ST3GAL1: variants seen among roughly 807,000 people sequenced by gnomAD.
ST3GAL1 encodes ST3 beta-galactoside alpha-2,3-sialyltransferase 1.
In ST3GAL1, 16 loss-of-function variants were observed where a neutral mutation model predicts 34.1. The observed-to-expected ratio is 0.47, with a 90% CI of 0.32 to 0.71. The LOEUF (loss-of-function observed/expected upper bound fraction) is 0.71, where lower values mean the gene tolerates loss of function less well. Ranked by LOEUF, ST3GAL1 falls within the 30% of genes least tolerant of loss-of-function variation. The pLI, the probability that ST3GAL1 is intolerant of heterozygous loss-of-function variation, is 0.04. For synonymous variants in ST3GAL1, 191 were observed against 184.7 expected, an observed-to-expected ratio of 1.03 and a Z score of -0.28; for missense variants, 353 against 447.4, an observed-to-expected ratio of 0.79 and a Z score of 1.90.
At chr8:133,536,489 T>C (rs1462559035) in intron 2 of ST3GAL1, among the ~76,000 whole-genome samples, 1 of 152,200 alleles carries the variant, frequency 6.6e-6, no homozygotes, top group Non-Finnish European at 1.5e-5. Context: ...CCTCTCTTCT[T>C]GGGACATTGG....
chr8:133,475,573 A>T, intron 5 of ST3GAL1, 146 bp downstream of exon 5: 1 of 979,282 alleles, frequency 1.0e-6, no homozygotes, highest in Non-Finnish European at 1.5e-6. Context: ...CCTCACTCTC[A>T]TTACCAGACC....
At position 133,469,771 on chromosome 8, in the gene ST3GAL1, G is replaced by A. The variant is rs924139804; in HGVS notation, c.307-3681C>T. ...TGAAGCCCCAGCACTGCAGAGACAGGTGGGAAGGAGGGACGGCAGAAATGA... is the reference window on the plus strand; with the variant it reads ...TGAAGCCCCAGCACTGCAGAGACAGATGGGAAGGAGGGACGGCAGAAATGA... On this transcript the variant is annotated intron_variant, in intron 5 of 9. Transcript: ENST00000522652. This position sits in a 1 kb window ranked among gnomAD's most constrained non-coding sequence, Gnocchi z 4.3. Among the ~76,000 whole-genome samples, 3 of 152,258 alleles carry A rather than the reference G, an allele frequency of 2.0e-5. No homozygotes were observed. Among genetic ancestry groups the A allele is most frequent in the African/African-American group, 7.2e-5 (3 of 41,474 alleles).
In ST3GAL1 at chr8:133,562,841, C is replaced by CTTTTTCTTT. The variant is rs1554621250; in HGVS notation, c.-582+8851_-582+8852insAAAGAAAAA. Among the ~76,000 whole-genome samples the CTTTTTCTTT allele has an allele frequency of 7.9e-3, 651 of 82,514 alleles. 12 individuals carry two copies. The highest frequency in any genetic ancestry group is 0.027 in the African/African-American group (609 of 22,480). The allele number at this position is 82,514 out of a possible 152,430, so 54.1% of individuals were successfully genotyped here. The stretch of plus-strand genomic sequence containing the variant: ...TCCTTCCTTCCTTCCTTCCTTCCTT[C>CTTTTTCTTT]CTTTCTTTCTTTTTTTTTTTTTTTT... On this transcript the variant is annotated intron_variant, in intron 1 of 9. Transcript: ENST00000522652.
At position 133,462,269 on chromosome 8, in the gene ST3GAL1, G is replaced by C. The variant is rs545794575; in HGVS notation, c.730-275C>G. On this transcript the variant is annotated intron_variant, in intron 8 of 9. Coordinates refer to ENST00000522652, the MANE Select transcript of ST3GAL1 (RefSeq NM_173344.3). The stretch of plus-strand genomic sequence containing the variant: ...AGGAGGATCACTGAGCTGACACACA[G>C]AAAAATCCAAGGAGGCCAGGGAGTG... 8.5e-5 allele frequency among the ~76,000 whole-genome samples: 13 copies of C among 152,262 alleles called. No individual in the cohort carries two copies. In the South Asian group the frequency reaches 2.5e-3, roughly 29 times the overall value.
intron 2 of ST3GAL1, among the ~76,000 whole-genome samples, chr8:133,541,120 T>TATATAGAGAGAGAGAGAGAGAG (rs71299078): frequency 8.2e-5 from 4 of 48,626 alleles, no homozygotes; most frequent in East Asian, 5.1e-4. Context: ...TATATATATA[T>TATATAGAGAGAGAGAGAGAGAG]AGAGAGAGAG....
At chr8:133,544,479 C>T (rs544220353) in intron 2 of ST3GAL1, among the ~76,000 whole-genome samples, 3 of 152,208 alleles carry the variant, frequency 2.0e-5, no homozygotes, top group African/African-American at 7.2e-5. Context: ...ATCACATGGT[C>T]TTTTGTCTCC....
rs1267768209 is a variant in ST3GAL1, at chr8:133,551,526, GAGAA to G, written c.-581-5604_-581-5601del. ...AGACAGAAAGACAGAAAGAAAGAAA[GAGAA>G]AGAAAGAGAAGGAAAGAAAGAAAGA... On this transcript the variant is annotated intron_variant, in intron 1 of 9. Transcript: ENST00000522652. Among the ~76,000 whole-genome samples the G allele has an allele frequency of 1.1e-3, 148 of 137,786 alleles. 1 individual carries two copies. The highest frequency in any genetic ancestry group is 4.2e-3 in the African/African-American group (138 of 33,226). 90.4% of individuals were successfully genotyped at this position (137,786 alleles called of 152,430 possible).
chr8:133,549,310 G>C (rs1261401041), intron 1 of ST3GAL1, among the ~76,000 whole-genome samples: 1 of 151,938 alleles, frequency 6.6e-6, no homozygotes, highest in Non-Finnish European at 1.5e-5. Flanking sequence ...GCTGAGGCAG[G>C]AGAATCACTA....
chr8:133,535,094 G>A (rs79021415), intron 2 of ST3GAL1, among the ~76,000 whole-genome samples: 11,015 of 152,214 alleles, frequency 0.072, 1,285 homozygotes, highest in African/African-American at 0.25. Flanking sequence ...GAGGAGTCCC[G>A]GAAGAGACAA....
chr8:133,515,626 C>T (rs545401898), intron 2 of ST3GAL1: 4 of 152,248 alleles, frequency 2.6e-5, no homozygotes, highest in Admixed American at 2.0e-4. Flanking sequence ...ATTACCCTTA[C>T]CATGAGTTTT....
intron 1 of ST3GAL1, among the ~76,000 whole-genome samples, chr8:133,562,255 G>A (rs965334446): frequency 1.4e-5 from 2 of 147,772 alleles, no homozygotes; most frequent in African/African-American, 5.0e-5. Context: ...CTGTCACCAG[G>A]CTGGAGTGCA....
intron 3 of ST3GAL1, among the ~76,000 whole-genome samples, chr8:133,480,397 G>A (rs1036170354): frequency 6.6e-6 from 1 of 152,168 alleles, no homozygotes; most frequent in African/African-American, 2.4e-5. Context: ...GGAACCACAC[G>A]GGGTTTTGAA....
chr8:133,565,144 T>C (rs7829185), intron 1 of ST3GAL1, among the ~76,000 whole-genome samples: 13,332 of 140,034 alleles, frequency 0.095, 1,318 homozygotes, highest in East Asian at 0.46. Flanking sequence ...ATAACAGCTC[T>C]GTGTGCCTGT....
chr8:133,557,346 T>C (rs1037124759), intron 1 of ST3GAL1, among the ~76,000 whole-genome samples: 1 of 152,178 alleles, frequency 6.6e-6, no homozygotes, highest in Non-Finnish European at 1.5e-5. Flanking sequence ...GTACCCATGG[T>C]CCAGGCTGCT....
intron 2 of ST3GAL1, among the ~76,000 whole-genome samples, chr8:133,505,649 G>C (rs1461652833): frequency 3.3e-5 from 5 of 151,616 alleles, no homozygotes; most frequent in Non-Finnish European, 5.9e-5. Flanking sequence ...GTCGCCCAGG[G>C]TGGAGTGCGG....
chr8:133,480,064 GC>G (rs1381314194), intron 3 of ST3GAL1, among the ~76,000 whole-genome samples: 1 of 152,112 alleles, frequency 6.6e-6, no homozygotes, highest in Non-Finnish European at 1.5e-5. Context: ...GGGAGGCCGG[GC>G]CCCCCAGAAC....
chr8:133,496,473 G>A (rs1013400628), intron 3 of ST3GAL1, among the ~76,000 whole-genome samples: 6 of 152,272 alleles, frequency 3.9e-5, no homozygotes, highest in African/African-American at 1.2e-4. Context: ...CAGAAGCCCC[G>A]TCCCCATGCC....
intron 2 of ST3GAL1, among the ~76,000 whole-genome samples, chr8:133,544,974 TC>T (rs1307850142): frequency 6.6e-6 from 1 of 152,182 alleles, no homozygotes; most frequent in African/African-American, 2.4e-5. Flanking sequence ...AAGTGACATA[TC>T]CAGGGTGATC....
chr8:133,521,135 G>GTTT (rs1454087452), intron 2 of ST3GAL1, among the ~76,000 whole-genome samples: 1 of 28,730 alleles, frequency 3.5e-5, no homozygotes, highest in African/African-American at 2.0e-4. Context: ...GTTTTTGTGG[G>GTTT]TTGTTTTTTT....
Sources: allele counts gnomAD v4.1 joint callset (sites outside exome capture counted in the v4.1 genomes callset), GRCh38; gene constraint gnomAD v4.1.1; non-coding constraint Gnocchi (gnomAD v3.1); transcripts MANE v1.5; gene names NCBI Gene and HGNC (gene_info 2026-07-23, HGNC 2026-07-21).